The following TRIM67 variants were observed in gnomAD, a reference collection of about 807,000 sequenced individuals.
TRIM67 encodes tripartite motif-containing protein 67.
Under a neutral mutation model 71.0 loss-of-function variants are expected in TRIM67, and 39 were observed. That is an observed-to-expected ratio of 0.55 (90% CI 0.43 to 0.72). The LOEUF is 0.72. Among genes scored for constraint, TRIM67 ranks in the 30% least tolerant of loss-of-function variants. The pLI, the probability that TRIM67 is intolerant of heterozygous loss-of-function variation, is 0.00. For synonymous variants in TRIM67, 481 were observed against 473.9 expected (o/e 1.01, Z -0.19); for missense variants, 973 against 1,079.2 (o/e 0.90, Z 1.38).
chr1:231,182,093 T>C (rs1054305848), intron 1 of TRIM67, among the ~76,000 whole-genome samples: 2 of 152,172 alleles, frequency 1.3e-5, no homozygotes, highest in Non-Finnish European at 2.9e-5. Context: ...TAATATAATA[T>C]TTCATATCAG....
At position 231,219,187 on chromosome 1, in the gene TRIM67, C is replaced by G. The variant is rs1025891396; in HGVS notation, c.*3747C>G. ...CCCGTGGGGTGGCGCCAGGGTTTCT[C>G]AACCTCTACTGACATTTTGCGATAG... is the stretch of plus-strand genomic sequence containing the variant. On this transcript the variant is annotated 3_prime_UTR_variant, in exon 10 of 10. Transcript: ENST00000366653. 1.0e-6 allele frequency: 1 copy of G among 985,450 alleles called. No individual in the cohort carries two copies. The allele number at this position is 985,450 out of a possible 1,614,324, so 61.0% of individuals were successfully genotyped here.
rs914977566 is a variant in TRIM67, at chr1:231,163,374, C to G, written c.405C>G (p.Pro135=). The change falls in exon 1 of 10, where the codon CCC becomes CCG. Residue 135 remains proline, a synonymous_variant. Transcript: ENST00000366653. ...TGCTGCCCATGGTGCCCGCACCACCCGGCTCCTCGGCTGCGGCGGCTCGGG... is the reference window on the plus strand; with the variant it reads ...TGCTGCCCATGGTGCCCGCACCACCGGGCTCCTCGGCTGCGGCGGCTCGGG... ...VRVLPMVPAP[P]GSSAAAARGA... is the part of the protein sequence containing the mutation. 1.3e-6 allele frequency: 2 copies of G among 1,535,028 alleles called. No homozygotes were observed. Among genetic ancestry groups the G allele is most frequent in the Non-Finnish European group, 1.8e-6 (2 of 1,141,714 alleles).
At chr1:231,197,820 T>G (rs1488903643) in intron 2 of TRIM67, among the ~76,000 whole-genome samples, 1 of 151,110 alleles carries the variant, frequency 6.6e-6, no homozygotes, top group South Asian at 2.1e-4. Flanking sequence ...AGAGAAAGTC[T>G]GTCTCAAAGA....
At position 231,218,246 on chromosome 1, in the gene TRIM67, C is replaced by CGTT; in HGVS notation, c.*2807_*2809dup. 1 of 1,001,034 alleles carries CGTT rather than the reference C, an allele frequency of 1.0e-6. No individual in the cohort carries two copies. Among genetic ancestry groups the CGTT allele is most frequent in the Non-Finnish European group, 1.2e-6 (1 of 839,206 alleles). The allele number at this position is 1,001,034 out of a possible 1,614,324, so 62.0% of individuals were successfully genotyped here. A position where few individuals can be genotyped will look rare whatever the true frequency, so the allele number is the denominator to read the frequency against. On this transcript the variant is annotated 3_prime_UTR_variant, in exon 10 of 10. Transcript: ENST00000366653. ...TCATCCACCATCGAATTCCATAACA[C>CGTT]GTTACATCATGGTGGCACATTTGTA...
chr1:231,177,918 G>A (rs1008328761), intron 1 of TRIM67, among the ~76,000 whole-genome samples: 3 of 152,222 alleles, frequency 2.0e-5, no homozygotes, highest in Non-Finnish European at 4.4e-5. Flanking sequence ...ACACTAAAAT[G>A]TATTCTAATA....
At chr1:231,166,119 A>T (rs943345400) in intron 1 of TRIM67, among the ~76,000 whole-genome samples, 1 of 152,224 alleles carries the variant, frequency 6.6e-6, no homozygotes, top group African/African-American at 2.4e-5. Flanking sequence ...GAAATTTGGG[A>T]AGCACATGTG....
chr1:231,213,954 C>G lies in TRIM67; in HGVS notation c.2263C>G (p.Leu755Val). Residue 755 changes from leucine to valine, a missense_variant, in exon 9 of 10, where the codon CTC (leucine) becomes GTC (valine). By Grantham distance (32) the Leu-to-Val change is conservative (BLOSUM62 1). Transcript: ENST00000366653. ...CGTGGACGGGGTCTTCATGCCAGCCCTCAGCCTCAACCGCAACGTGCAGGT... is the reference window on the plus strand; with the variant it reads ...CGTGGACGGGGTCTTCATGCCAGCCGTCAGCCTCAACCGCAACGTGCAGGT... ...SHVDGVFMPA[L>V]SLNRNVQVTL... The G allele has an allele frequency of 6.2e-7, 1 of 1,612,874 alleles. No individual in the cohort carries two copies.
chr1:231,162,660 A>C lies in TRIM67; in HGVS notation c.-310A>C. 2.9e-6 allele frequency: 1 copy of C among 350,812 alleles called. No homozygotes were observed. The highest frequency in any genetic ancestry group is 5.2e-6 in the Non-Finnish European group (1 of 192,356). 21.7% of individuals were successfully genotyped at this position (350,812 alleles called of 1,614,324 possible). On this transcript the variant is annotated 5_prime_UTR_variant, in exon 1 of 10. Coordinates refer to ENST00000366653, the MANE Select transcript of TRIM67 (RefSeq NM_001004342.5). ...CGGCGCTGGTGCTGATTCATCACCT[A>C]AAGCTCCTCGCAGGCCACCGCGAGG...
chr1:231,209,087 G>C lies in TRIM67; in HGVS notation c.1960G>C (p.Glu654Gln), dbSNP rs1223330470. 6 of 1,614,014 alleles carry C rather than the reference G, an allele frequency of 3.7e-6. No homozygotes were observed. The highest frequency in any genetic ancestry group is 5.1e-6 in the Non-Finnish European group (6 of 1,179,886). The change falls in exon 8 of 10, where the codon GAG becomes CAG. Residue 654 changes from glutamate (E) to glutamine (Q), a missense_variant. This residue lies in a region of TRIM67 where 178 missense variants were observed against 247.9 expected (regional missense o/e 0.72). Transcript: ENST00000366653. This position sits in a 1 kb window ranked among gnomAD's most constrained non-coding sequence, Gnocchi z 4.1. ...GTTCTCCAAGGGCGTGCACTACTGGGAGCTGCACGTGGACCGGTACGACAA... is the reference window on the plus strand; with the variant it reads ...GTTCTCCAAGGGCGTGCACTACTGGCAGCTGCACGTGGACCGGTACGACAA... ...AAFSKGVHYW[E>Q]LHVDRYDNHP...
chr1:231,213,080 G>A (rs1359774063), intron 8 of TRIM67, among the ~76,000 whole-genome samples: 1 of 152,098 alleles, frequency 6.6e-6, no homozygotes, highest in African/African-American at 2.4e-5. Context: ...TTTCCTGAAG[G>A]CCTGGATGTC....
Position 231,206,798 on chromosome 1 carries a change from T to A in TRIM67, c.1819+8T>A. ...TCCTGCAGACATCCGATGGTGAGCA[T>A]CGGGATCTCTTAGTGGGAAGAACAG... On this transcript the variant is annotated splice_region_variant and intron_variant, in intron 7 of 9. Transcript: ENST00000366653. 6.3e-7 allele frequency: 1 copy of A among 1,584,114 alleles called. No homozygotes were observed. Among genetic ancestry groups the A allele is most frequent in the South Asian group, 1.2e-5 (1 of 86,366 alleles).
chr1:231,163,328 A>C lies in TRIM67; in HGVS notation c.359A>C (p.Lys120Thr). 4.6e-6 allele frequency: 7 copies of C among 1,524,272 alleles called. No homozygotes were observed. The highest frequency in any genetic ancestry group is 1.2e-5 in the South Asian group (1 of 81,030). The allele number at this position is 1,524,272 out of a possible 1,614,324, so 94.4% of individuals were successfully genotyped here. A position where few individuals can be genotyped will look rare whatever the true frequency, so the allele number is the denominator to read the frequency against. The change falls in exon 1 of 10, where the codon AAG becomes ACG. Residue 120 changes from lysine (K) to threonine (T), a missense_variant. This residue lies in a region of TRIM67 where 795 missense variants were observed against 831.3 expected (regional missense o/e 0.96). Coordinates refer to ENST00000366653, the MANE Select transcript of TRIM67 (RefSeq NM_001004342.5). Reference sequence around the variant, plus strand: ...TACGGGTCCTACACCCCGAGCCTCAAGTCCCCCAACGGGGTTCGCGTGCTG... The same window carrying C: ...TACGGGTCCTACACCCCGAGCCTCACGTCCCCCAACGGGGTTCGCGTGCTG... Reference protein sequence around the residue: ...SGYGSYTPSLKSPNGVRVLPM... With the variant: ...SGYGSYTPSLTSPNGVRVLPM...
rs891246908 is a variant in TRIM67 at position 231,163,769 on chromosome 1, C to G, written c.800C>G (p.Pro267Arg). ...PPPPAEAASG[P>R]TGTAQGAPSG... ...CCGCCCGCCGAGGCAGCCTCCGGGC[C>G]CACTGGCACCGCCCAGGGCGCCCCC... The change falls in exon 1 of 10, where the codon CCC becomes CGC. Residue 267 changes from proline to arginine, a missense_variant. Physicochemically the swap from Pro to Arg is moderately radical, Grantham distance 103. Transcript: ENST00000366653. 6.8e-7 allele frequency: 1 copy of G among 1,480,522 alleles called. No homozygotes were observed. The highest frequency in any genetic ancestry group is 1.5e-5 in the African/African-American group (1 of 68,102). The allele number at this position is 1,480,522 out of a possible 1,614,324, so 91.7% of individuals were successfully genotyped here.
rs79472122 is a variant in TRIM67 at position 231,215,991 on chromosome 1, C to G, written c.*551C>G. 20,156 of 985,790 alleles carry G rather than the reference C, an allele frequency of 0.02. 405 individuals are homozygous for G. Among genetic ancestry groups the G allele is most frequent in the East Asian group, 0.15 (1,325 of 8,804 alleles). 61.1% of individuals were successfully genotyped at this position (985,790 alleles called of 1,614,324 possible). A position where few individuals can be genotyped will look rare whatever the true frequency, so the allele number is the denominator to read the frequency against. On this transcript the variant is annotated 3_prime_UTR_variant, in exon 10 of 10. Transcript: ENST00000366653. ...TTAGTAGCACCTGCCACTTGCAGAC[C>G]CAATGCAGGATTGATAGAAAGGGAC... is the stretch of plus-strand genomic sequence containing the variant.
chr1:231,214,681 A>G (rs965179208), intron 9 of TRIM67, among the ~76,000 whole-genome samples: 1 of 147,228 alleles, frequency 6.8e-6, no homozygotes, highest in Non-Finnish European at 1.5e-5. Flanking sequence ...CAGGAGGCTG[A>G]GGTAGGAGAA....
intron 4 of TRIM67, 60 bp downstream of exon 4, chr1:231,200,318 A>G (rs1683486107): frequency 3.6e-6 from 4 of 1,115,056 alleles, no homozygotes; most frequent in Non-Finnish European, 5.5e-6. Flanking sequence ...CTGTTCCCCA[A>G]ATCAGCCCAA....
chr1:231,167,493 T>C (rs1256955745), intron 1 of TRIM67, among the ~76,000 whole-genome samples: 1 of 126,704 alleles, frequency 7.9e-6, no homozygotes, highest in Non-Finnish European at 1.6e-5. Context: ...CGGCTAATTT[T>C]TTGTATTTTT....
chr1:231,164,070 G>C (rs1558287734), intron 1 of TRIM67, 57 bp downstream of exon 1: 1 of 1,406,016 alleles, frequency 7.1e-7, no homozygotes, highest in East Asian at 2.8e-5. Context: ...GAGGAGAAAG[G>C]CTTTTGGCCT....
At chr1:231,181,535 A>G (rs1247422575) in intron 1 of TRIM67, among the ~76,000 whole-genome samples, 3 of 152,172 alleles carry the variant, frequency 2.0e-5, no homozygotes, top group African/African-American at 7.2e-5. Context: ...CCATTTCACT[A>G]TCTTTCCTCT....
Sources: allele counts gnomAD v4.1 joint callset (sites outside exome capture counted in the v4.1 genomes callset), GRCh38; gene constraint gnomAD v4.1.1; regional missense constraint gnomAD v4.1.1; non-coding constraint Gnocchi (gnomAD v3.1); transcripts MANE v1.5; gene names NCBI Gene and HGNC (gene_info 2026-07-23, HGNC 2026-07-21).